The following DNAAF10 variants were observed in gnomAD, a reference collection of about 807,000 sequenced individuals.
DNAAF10 encodes WD repeat domain 92.
DNAAF10 carries 28 observed loss-of-function variants against 43.7 expected under a neutral mutation model. That is an observed-to-expected ratio of 0.64 (90% confidence interval 0.48 to 0.88). DNAAF10 has a LOEUF of 0.88. DNAAF10 is among the 40% of genes least tolerant of loss of function. The pLI is 0.00. For synonymous variants in DNAAF10, 156 were observed against 157.3 expected (o/e 0.99, Z 0.06); for missense variants, 403 against 439.1 (o/e 0.92, Z 0.73).
At chr2:68,142,885 C>A (rs560189875) in intron 3 of DNAAF10, among the ~76,000 whole-genome samples, 47 of 152,116 alleles carry the variant, frequency 3.1e-4, no homozygotes, top group African/African-American at 1.1e-3. Flanking sequence ...GGCTGCTTTA[C>A]TTTAATATTT....
intron 1 of DNAAF10, among the ~76,000 whole-genome samples, chr2:68,154,938 T>C (rs1673555273): frequency 1.3e-5 from 2 of 151,574 alleles, no homozygotes; most frequent in Admixed American, 1.3e-4. Context: ...AATTTTTGTA[T>C]TTTTTTTATA....
At position 68,137,217 on chromosome 2, in the gene DNAAF10, A is replaced by G. The variant is rs569470437; in HGVS notation, c.768+82T>C. 55 of 1,442,968 alleles carry G rather than the reference A, an allele frequency of 3.8e-5. No individual in the cohort carries two copies. In the South Asian group the frequency reaches 8.6e-4, roughly 22 times the overall value. 89.4% of individuals were successfully genotyped at this position (1,442,968 alleles called of 1,614,324 possible). ...CTCCCTTCACATAAAGACCTGGAAGAAACCTTGGTGACTAATTCTACTTAT... is the reference window on the plus strand; with the variant it reads ...CTCCCTTCACATAAAGACCTGGAAGGAACCTTGGTGACTAATTCTACTTAT... On this transcript the variant is annotated intron_variant, in intron 6 of 7. Transcript: ENST00000295121.
intron 2 of DNAAF10, among the ~76,000 whole-genome samples, chr2:68,146,240 C>T (rs970552283): frequency 3.3e-5 from 5 of 152,122 alleles, no homozygotes; most frequent in Non-Finnish European, 5.9e-5. Context: ...CCAGCCTAGG[C>T]AACAGAGCGA....
intron 3 of DNAAF10, among the ~76,000 whole-genome samples, chr2:68,144,028 GCAA>G (rs1331524799): frequency 6.6e-6 from 1 of 152,076 alleles, no homozygotes; most frequent in African/African-American, 2.4e-5. Context: ...CCCTCGTGAA[GCAA>G]CAACATTTCT....
intron 5 of DNAAF10, among the ~76,000 whole-genome samples, chr2:68,137,767 T>C (rs1227408034): frequency 6.6e-6 from 1 of 151,600 alleles, no homozygotes; most frequent in East Asian, 1.9e-4. Flanking sequence ...CTTGGGAGGC[T>C]GAGGCAGGAG....
rs1673661159 is a variant in DNAAF10, at chr2:68,157,471, C to T, written c.-28G>A. ...TGCAGCCAATTTCAGCTACGGCAACCGCCACACCCAGAGCCCCCAAAAACG... is the reference window on the plus strand; with the variant it reads ...TGCAGCCAATTTCAGCTACGGCAACTGCCACACCCAGAGCCCCCAAAAACG... On this transcript the variant is annotated 5_prime_UTR_variant, in exon 1 of 8. Coordinates refer to ENST00000295121, the MANE Select transcript of DNAAF10 (RefSeq NM_138458.4). The T allele has an allele frequency of 1.2e-6, 2 of 1,614,110 alleles. No homozygotes were observed. The highest frequency in any genetic ancestry group is 1.7e-5 in the Admixed American group (1 of 60,020).
intron 4 of DNAAF10, 84 bp downstream of exon 4, chr2:68,141,610 T>C: frequency 3.9e-6 from 5 of 1,292,586 alleles, no homozygotes; most frequent in Non-Finnish European, 4.5e-6. Context: ...AAACAGACCA[T>C]AAAGAGACTA....
intron 5 of DNAAF10, 45 bp from the exon 6 acceptor site, chr2:68,137,478 C>T: frequency 1.3e-6 from 2 of 1,542,910 alleles, no homozygotes; most frequent in Non-Finnish European, 1.7e-6. Context: ...ACCAGTATTA[C>T]TCAGGAGGCT....
At chr2:68,152,379 C>T (rs1282861792) in intron 1 of DNAAF10, among the ~76,000 whole-genome samples, 2 of 152,174 alleles carry the variant, frequency 1.3e-5, no homozygotes, top group African/African-American at 4.8e-5. Context: ...CTGAGGACTG[C>T]ACTTTGCTCA....
chr2:68,153,483 G>A (rs1673505832), intron 1 of DNAAF10, among the ~76,000 whole-genome samples: 3 of 151,632 alleles, frequency 2.0e-5, no homozygotes, highest in Admixed American at 2.0e-4. Flanking sequence ...TCTCAGCTCT[G>A]AGACTCATTA....
rs1463932470 is a variant in DNAAF10 at position 68,130,155 on chromosome 2, G to C, written c.*1083C>G. On this transcript the variant is annotated 3_prime_UTR_variant, in exon 8 of 8. Transcript: ENST00000295121. ...ATTTGTTTTTTTTTTTTTTGAGACG[G>C]AGTCTCACTCTGTCGCCAGGGCTGG... is the stretch of plus-strand genomic sequence containing the variant. 7.9e-6 allele frequency: 1 copy of C among 127,130 alleles called. No homozygotes were observed. Among genetic ancestry groups the C allele is most frequent in the East Asian group, 2.1e-4 (1 of 4,750 alleles). 7.9% of individuals were successfully genotyped at this position (127,130 alleles called of 1,614,324 possible).
rs757832176 is a variant in DNAAF10, at chr2:68,137,878, A to AT, written c.634-446dup. Among the ~76,000 whole-genome samples the AT allele has an allele frequency of 1.6e-3, 183 of 112,092 alleles. 1 individual carries two copies. The highest frequency in any genetic ancestry group is 2.3e-3 in the South Asian group (8 of 3,522). 73.5% of individuals were successfully genotyped at this position (112,092 alleles called of 152,430 possible). ...TGAGACTCTGTCTCAAAAAAAAAAC[A>AT]TTTTTTTTTTTTTTGGCCAGGCACA... On this transcript the variant is annotated intron_variant, in intron 5 of 7. Coordinates refer to ENST00000295121, the MANE Select transcript of DNAAF10 (RefSeq NM_138458.4).
intron 3 of DNAAF10, among the ~76,000 whole-genome samples, chr2:68,142,367 C>T (rs1220237536): frequency 6.6e-6 from 1 of 152,146 alleles, no homozygotes; most frequent in African/African-American, 2.4e-5. Context: ...AGCGATTCTC[C>T]GTCCTCAGCC....
In DNAAF10 at chr2:68,131,250, G is replaced by C. The variant is rs1284904782; in HGVS notation, c.1062C>G (p.Leu354=). The C allele has an allele frequency of 1.2e-6, 2 of 1,613,918 alleles. No individual in the cohort carries two copies. The highest frequency in any genetic ancestry group is 8.5e-7 in the Non-Finnish European group (1 of 1,179,954). The stretch of plus-strand genomic sequence containing the variant: ...CAAAGTCTTGAAGTCAAATTTTATT[G>C]AGCTTTGTAACGATCAGTACTCTCA... ...QTVRVLIVTK[L]NKI is the part of the protein sequence containing the mutation. The change falls in exon 8 of 8, where the codon CTC becomes CTG. Residue 354 remains leucine (L), a synonymous_variant. Transcript: ENST00000295121.
chr2:68,139,923 T>C (rs959386691), intron 4 of DNAAF10, among the ~76,000 whole-genome samples: 1 of 152,252 alleles, frequency 6.6e-6, no homozygotes, highest in African/African-American at 2.4e-5. Flanking sequence ...TATTGCTTTC[T>C]TGGCAGTAAC....
At chr2:68,135,577 G>T (rs1673022796) in intron 6 of DNAAF10, among the ~76,000 whole-genome samples, 1 of 152,218 alleles carries the variant, frequency 6.6e-6, no homozygotes, top group African/African-American at 2.4e-5. Flanking sequence ...AAGGAGGCGG[G>T]AGGGAATGAA....
At chr2:68,143,469 T>C (rs1673240286) in intron 3 of DNAAF10, among the ~76,000 whole-genome samples, 1 of 152,198 alleles carries the variant, frequency 6.6e-6, no homozygotes, top group Admixed American at 6.5e-5. Flanking sequence ...GGCGTGACTG[T>C]ACCTGGCCCA....
intron 1 of DNAAF10, 115 bp downstream of exon 1, chr2:68,157,146 C>G (rs1220199346): frequency 1.5e-5 from 21 of 1,382,624 alleles, no homozygotes; most frequent in Non-Finnish European, 1.8e-5. Flanking sequence ...TGGTCTCGCG[C>G]GGCTCAAGCC....
At position 68,157,482 on chromosome 2, in the gene DNAAF10, G is replaced by A. The variant is rs567822435; in HGVS notation, c.-39C>T. The A allele has an allele frequency of 1.2e-6, 2 of 1,614,120 alleles. No homozygotes were observed. The highest frequency in any genetic ancestry group is 2.2e-5 in the South Asian group (2 of 91,082). On this transcript the variant is annotated 5_prime_UTR_variant, in exon 1 of 8. Coordinates refer to ENST00000295121, the MANE Select transcript of DNAAF10 (RefSeq NM_138458.4). ...TCAGCTACGGCAACCGCCACACCCA[G>A]AGCCCCCAAAAACGGCAACCTGGAA...
Sources: gnomAD v4.1 joint callset for allele counts (sites outside exome capture counted in the v4.1 genomes callset) on GRCh38, gnomAD v4.1.1 for gene constraint, MANE v1.5 for transcripts, NCBI Gene and HGNC (gene_info 2026-07-23, HGNC 2026-07-21) for gene names.